YAP1: variants seen among roughly 807,000 people sequenced by gnomAD.
The protein encoded by YAP1 is transcriptional coactivator YAP1.
In YAP1, 5 loss-of-function variants were observed where a neutral mutation model predicts 56.9. The observed-to-expected ratio is 0.09, with a 90% CI of 0.05 to 0.18. The LOEUF (loss-of-function observed/expected upper bound fraction) is 0.18. Among genes scored for constraint, YAP1 ranks in the 10% least tolerant of loss-of-function variants. The probability of loss-of-function intolerance (pLI) is 1.00; values close to 1 mark genes in which losing one functional copy is unlikely to be tolerated. For missense variants in YAP1, 539 were observed against 651.8 expected, an observed-to-expected ratio of 0.83 and a Z score of 1.88; for synonymous variants, 265 against 248.1, an observed-to-expected ratio of 1.07 and a Z score of -0.64.
Position 102,177,817 on chromosome 11 carries a change from C to G in YAP1, c.689-8201C>G, listed in dbSNP as rs372376807. On this transcript the variant is annotated intron_variant, in intron 3 of 8. Transcript: ENST00000282441. ...GTTGGAGGAGAAAGACTAGTATTGA[C>G]CCTGTGAGAGGCATTAAAGATATGG... Among the ~76,000 whole-genome samples, 20 of 152,036 alleles carry G rather than the reference C, an allele frequency of 1.3e-4. No individual in the cohort carries two copies. The East Asian group carries it at 2.5e-3, about 19-fold the overall frequency.
At chr11:102,186,213 A>G in intron 4 of YAP1, 82 bp downstream of exon 4, 1 of 1,438,310 alleles carries the variant, frequency 7.0e-7, no homozygotes, top group South Asian at 1.3e-5. Flanking sequence ...GCACATTTAA[A>G]TAAAATCGCA....
chr11:102,178,895 C>T (rs1947422185), intron 3 of YAP1, among the ~76,000 whole-genome samples: 2 of 152,160 alleles, frequency 1.3e-5, no homozygotes, highest in Non-Finnish European at 2.9e-5. Flanking sequence ...ACAATCCTAG[C>T]AAAAGGCAAG....
rs1352613924 is a variant in YAP1 at position 102,110,638 on chromosome 11, G to A, written c.-211G>A. On this transcript the variant is annotated 5_prime_UTR_variant, in exon 1 of 9. Coordinates refer to ENST00000282441, the MANE Select transcript of YAP1 (RefSeq NM_001130145.3). The stretch of plus-strand genomic sequence containing the variant: ...AGCCCCTCCCGAGGCGCAGCCGCCA[G>A]ACCAGTGGAGCCGGGGCGCAGGGCG... 1 of 283,582 alleles carries A rather than the reference G, an allele frequency of 3.5e-6. No individual in the cohort carries two copies. The highest frequency in any genetic ancestry group is 1.6e-4 in the South Asian group (1 of 6,416). 17.6% of individuals were successfully genotyped at this position (283,582 alleles called of 1,614,324 possible).
chr11:102,114,275 A>G lies in YAP1; in HGVS notation c.453A>G (p.Pro151=). 1 of 1,614,184 alleles carries G rather than the reference A, an allele frequency of 6.2e-7. No homozygotes were observed. The highest frequency in any genetic ancestry group is 8.5e-7 in the Non-Finnish European group (1 of 1,180,026). The change falls in exon 2 of 9, where the codon CCA becomes CCG. Residue 151 remains proline (P), a synonymous_variant. Transcript: ENST00000282441. ...TLTPTGVVSG[P]AATPTAQHLR... ...CCCCCACTGGAGTAGTCTCTGGCCCAGCAGCTACACCCACAGCTCAGCATC... is the reference window on the plus strand; with the variant it reads ...CCCCCACTGGAGTAGTCTCTGGCCCGGCAGCTACACCCACAGCTCAGCATC...
At chr11:102,209,594 GAAAAA>G (rs35731181) in intron 6 of YAP1, 30 bp downstream of exon 6, 17 of 1,316,266 alleles carry the variant, frequency 1.3e-5, no homozygotes, top group South Asian at 3.0e-5. Flanking sequence ...TTTAGCACTG[GAAAAA>G]AAAAAAAAAA....
At chr11:102,170,981 GA>G (rs1462520980) in intron 3 of YAP1, among the ~76,000 whole-genome samples, 62 of 137,594 alleles carry the variant, frequency 4.5e-4, no homozygotes, top group African/African-American at 9.7e-4. Context: ...AAAAAAAAAA[GA>G]AAAAAAAAAT....
intron 2 of YAP1, among the ~76,000 whole-genome samples, chr11:102,131,701 G>A (rs984899139): frequency 2.6e-5 from 4 of 152,102 alleles, no homozygotes; most frequent in South Asian, 2.1e-4. Context: ...TTACATATGC[G>A]AACTAGAGTA....
intron 4 of YAP1, among the ~76,000 whole-genome samples, chr11:102,201,955 G>A (rs1426957247): frequency 6.6e-6 from 1 of 151,862 alleles, no homozygotes; most frequent in East Asian, 1.9e-4. Context: ...ACATCTTTTT[G>A]TGCCTAAAAG....
intron 2 of YAP1, among the ~76,000 whole-genome samples, chr11:102,148,340 A>C (rs1945436668): frequency 6.6e-6 from 1 of 152,160 alleles, no homozygotes; most frequent in Admixed American, 6.5e-5. Context: ...ATAAGTGTAC[A>C]TTTATGACAC....
intron 2 of YAP1, among the ~76,000 whole-genome samples, chr11:102,137,058 A>G (rs1378925127): frequency 6.6e-6 from 1 of 152,232 alleles, no homozygotes; most frequent in Non-Finnish European, 1.5e-5. Flanking sequence ...GAGAATTGGT[A>G]TCTTTACATT....
chr11:102,138,047 C>T (rs1449278374), intron 2 of YAP1, among the ~76,000 whole-genome samples: 1 of 152,140 alleles, frequency 6.6e-6, no homozygotes, highest in Non-Finnish European at 1.5e-5. Flanking sequence ...GCCACCACGC[C>T]TGGCTAATTT....
chr11:102,131,947 GTC>G (rs1390516925), intron 2 of YAP1, among the ~76,000 whole-genome samples: 1 of 151,998 alleles, frequency 6.6e-6, no homozygotes, highest in Admixed American at 6.6e-5. Context: ...ATGAAACCCT[GTC>G]TCTACTAAAA....
In YAP1 at chr11:102,153,845, G is replaced by T. The variant is rs1242310260; in HGVS notation, c.573-8611G>T. Among the ~76,000 whole-genome samples, 3 of 149,316 alleles carry T rather than the reference G, an allele frequency of 2.0e-5. No individual in the cohort carries two copies. The East Asian group carries it at 5.8e-4, about 29-fold the overall frequency. ...AGAATAATATTCCTCTCCATACAGA[G>T]GAACTCTTAAAAAAAAAAAAATCTG... On this transcript the variant is annotated intron_variant, in intron 2 of 8. Transcript: ENST00000282441.
intron 2 of YAP1, among the ~76,000 whole-genome samples, chr11:102,162,061 G>T (rs1345010209): frequency 6.6e-6 from 1 of 152,056 alleles, no homozygotes; most frequent in African/African-American, 2.4e-5. Context: ...TATGTTATTT[G>T]GCATTCTTAT....
At chr11:102,164,810 C>T (rs551579511) in intron 3 of YAP1, among the ~76,000 whole-genome samples, 56 of 152,280 alleles carry the variant, frequency 3.7e-4, no homozygotes, top group Middle Eastern at 3.4e-3. Flanking sequence ...ACAACCTCCG[C>T]CTCCCTGGTT....
intron 4 of YAP1, among the ~76,000 whole-genome samples, chr11:102,200,318 T>C (rs1948785054): frequency 6.6e-6 from 1 of 152,230 alleles, no homozygotes; most frequent in Non-Finnish European, 1.5e-5. Flanking sequence ...TGGATCAGAT[T>C]TGAGTTGCCA....
chr11:102,199,570 G>T (rs75921858), intron 4 of YAP1, among the ~76,000 whole-genome samples: 3,825 of 152,202 alleles, frequency 0.025, 62 homozygotes, highest in Middle Eastern at 0.078. Context: ...ATAAGGCTTT[G>T]AACAAGCTGG....
At chr11:102,163,542 A>T (rs1461672816) in intron 3 of YAP1, among the ~76,000 whole-genome samples, 1 of 152,058 alleles carries the variant, frequency 6.6e-6, no homozygotes, top group African/African-American at 2.4e-5. Flanking sequence ...CCCACGCTTT[A>T]CCCCGCTGCT....
intron 4 of YAP1, among the ~76,000 whole-genome samples, chr11:102,205,272 A>G (rs1195765281): frequency 1.3e-5 from 2 of 152,176 alleles, no homozygotes; most frequent in Admixed American, 6.5e-5. Flanking sequence ...GCATCAGATC[A>G]TTTTAATCTA....
Sources: allele counts gnomAD v4.1 joint callset (sites outside exome capture counted in the v4.1 genomes callset), GRCh38; gene constraint gnomAD v4.1.1; transcripts MANE v1.5; gene names NCBI Gene and HGNC (gene_info 2026-07-23, HGNC 2026-07-21).